DLG2: variants seen among roughly 807,000 people sequenced by gnomAD.
The protein encoded by DLG2 is disks large homolog 2.
DLG2 carries 45 observed loss-of-function variants against 132.5 expected under a neutral mutation model. The observed-to-expected ratio is 0.34, with a 90% CI of 0.27 to 0.44. The LOEUF (loss-of-function observed/expected upper bound fraction) is 0.44, where lower values mean the gene tolerates loss of function less well. DLG2 is among the 20% of genes least tolerant of loss of function. The pLI is 1.00. For missense variants in DLG2, 1,045 were observed against 1,196.9 expected, an observed-to-expected ratio of 0.87 and a Z score of 1.87; for synonymous variants, 424 against 419.6, an observed-to-expected ratio of 1.01 and a Z score of -0.13.
At chr11:85,228,891 A>G (rs2075130356) in intron 4 of DLG2, among the ~76,000 whole-genome samples, 1 of 151,136 alleles carries the variant, frequency 6.6e-6, no homozygotes, top group Non-Finnish European at 1.5e-5. Context: ...TGTTTCATCT[A>G]TGTATCTTTT....
At chr11:83,748,061 C>T (rs778678765) in intron 18 of DLG2, among the ~76,000 whole-genome samples, 1 of 152,192 alleles carries the variant, frequency 6.6e-6, no homozygotes, top group Non-Finnish European at 1.5e-5. Flanking sequence ...GGCAATCTGG[C>T]TTGAGAATCC....
At chr11:85,030,136 T>C (rs1016952506) in intron 6 of DLG2, among the ~76,000 whole-genome samples, 14 of 152,268 alleles carry the variant, frequency 9.2e-5, no homozygotes, top group African/African-American at 3.1e-4. Context: ...TAAACTCCTT[T>C]AAATTTAATT....
intron 4 of DLG2, among the ~76,000 whole-genome samples, chr11:85,223,679 A>G (rs1164353798): frequency 6.6e-6 from 1 of 152,204 alleles, no homozygotes; most frequent in South Asian, 2.1e-4. Context: ...AAAGTCTAGA[A>G]TACAGGAGAA....
At chr11:84,277,193 G>C (rs974666587) in intron 7 of DLG2, among the ~76,000 whole-genome samples, 1 of 152,202 alleles carries the variant, frequency 6.6e-6, no homozygotes, top group Admixed American at 6.5e-5. Flanking sequence ...TGTAAAGATA[G>C]AGAAGACTTG....
At chr11:84,633,477 G>T (rs149273476) in intron 6 of DLG2, among the ~76,000 whole-genome samples, 1 of 151,858 alleles carries the variant, frequency 6.6e-6, no homozygotes, top group African/African-American at 2.4e-5. Context: ...GAATCAACTC[G>T]TGCACCACTT....
At chr11:84,569,294 C>T (rs1176305405) in intron 6 of DLG2, among the ~76,000 whole-genome samples, 2 of 152,086 alleles carry the variant, frequency 1.3e-5, no homozygotes, top group Admixed American at 1.3e-4. Context: ...GGGCTGTATC[C>T]TCAAATGCAC....
chr11:83,580,074 T>C (rs761892020), intron 19 of DLG2, among the ~76,000 whole-genome samples: 36 of 152,112 alleles, frequency 2.4e-4, no homozygotes, highest in African/African-American at 8.2e-4. Context: ...TCACAATATA[T>C]AGAACTTCCA....
At chr11:84,203,977 G>C (rs564221877) in intron 8 of DLG2, among the ~76,000 whole-genome samples, 2 of 152,084 alleles carry the variant, frequency 1.3e-5, no homozygotes, top group African/African-American at 4.8e-5. Context: ...TTATTTTTGA[G>C]ACGGAGTTTT....
At chr11:85,175,560 G>C (rs1403245152) in intron 4 of DLG2, among the ~76,000 whole-genome samples, 2 of 152,142 alleles carry the variant, frequency 1.3e-5, no homozygotes, top group Non-Finnish European at 2.9e-5. Flanking sequence ...CACAAGACAA[G>C]GATGCCCTCT....
rs571461683 is a variant in DLG2 at position 85,425,859 on chromosome 11, G to T, written c.41-140494C>A. ...CAAGGCATCGCCTCACCCAGGAAGC[G>T]CAAGGGGTCAGGGAATTCCCTTTCC... On this transcript the variant is annotated intron_variant, in intron 3 of 27. Coordinates refer to ENST00000376104, the MANE Select transcript of DLG2 (RefSeq NM_001142699.3). Among the ~76,000 whole-genome samples the T allele has an allele frequency of 7.9e-5, 12 of 152,300 alleles. 1 individual carries two copies. Among genetic ancestry groups the T allele is most frequent in the African/African-American group, 2.6e-4 (11 of 41,566 alleles).
intron 3 of DLG2, among the ~76,000 whole-genome samples, chr11:85,517,000 T>G (rs1321746797): frequency 6.6e-6 from 1 of 151,952 alleles, no homozygotes; most frequent in Non-Finnish European, 1.5e-5. Context: ...CCAGTATCCC[T>G]GATGAAAATA....
At chr11:85,229,385 A>G (rs907155205) in intron 4 of DLG2, among the ~76,000 whole-genome samples, 4 of 152,144 alleles carry the variant, frequency 2.6e-5, no homozygotes, top group African/African-American at 7.2e-5. Flanking sequence ...AAACATATGA[A>G]AAAAAGCTTA....
chr11:84,419,611 G>A (rs887459796), intron 7 of DLG2, among the ~76,000 whole-genome samples: 6 of 152,214 alleles, frequency 3.9e-5, no homozygotes, highest in Admixed American at 3.9e-4. Context: ...AAAGTCCTCC[G>A]AACTAGACAA....
intron 26 of DLG2, among the ~76,000 whole-genome samples, chr11:83,464,997 G>T (rs1254081484): frequency 6.6e-6 from 1 of 152,110 alleles, no homozygotes; most frequent in Non-Finnish European, 1.5e-5. Context: ...TTTGTGCAAT[G>T]CCCGACATAG....
intron 6 of DLG2, among the ~76,000 whole-genome samples, chr11:84,963,068 A>C (rs2052813768): frequency 6.6e-6 from 1 of 152,216 alleles, no homozygotes. Flanking sequence ...AAGACTCTAG[A>C]AGAGCATTGC....
At chr11:84,982,025 A>G (rs923180106) in intron 6 of DLG2, among the ~76,000 whole-genome samples, 12 of 151,826 alleles carry the variant, frequency 7.9e-5, no homozygotes, top group Admixed American at 4.6e-4. Flanking sequence ...TACTTTCTAC[A>G]TTTTTACCCT....
At chr11:83,843,707 G>T (rs759328274) in intron 16 of DLG2, among the ~76,000 whole-genome samples, 1 of 152,088 alleles carries the variant, frequency 6.6e-6, no homozygotes, top group Non-Finnish European at 1.5e-5. Context: ...TCTACAGGTC[G>T]GGTTCCTTGC....
intron 18 of DLG2, among the ~76,000 whole-genome samples, chr11:83,650,273 A>G (rs1366742242): frequency 6.6e-6 from 1 of 152,208 alleles, no homozygotes; most frequent in Non-Finnish European, 1.5e-5. Flanking sequence ...CCTGGATTAT[A>G]TGAATGTGTC....
intron 7 of DLG2, among the ~76,000 whole-genome samples, chr11:84,383,255 C>A (rs2098755355): frequency 6.6e-6 from 1 of 151,912 alleles, no homozygotes; most frequent in Admixed American, 6.6e-5. Flanking sequence ...GGCGTCCATT[C>A]CCCCGAGAAG....
Sources: gnomAD v4.1 joint callset for allele counts (sites outside exome capture counted in the v4.1 genomes callset) on GRCh38, gnomAD v4.1.1 for gene constraint, MANE v1.5 for transcripts, NCBI Gene and HGNC (gene_info 2026-07-23, HGNC 2026-07-21) for gene names.